TNFRSF19: variants seen among roughly 807,000 people sequenced by gnomAD.
The protein encoded by TNFRSF19 is TNF receptor superfamily member 19.
In TNFRSF19, 27 loss-of-function variants were observed where a neutral mutation model predicts 46.4. That is an observed-to-expected ratio of 0.58 (90% CI 0.43 to 0.80). TNFRSF19 has a LOEUF of 0.80. Ranked by LOEUF, TNFRSF19 falls within the 30% of genes least tolerant of loss-of-function variation. The pLI, the probability that TNFRSF19 is intolerant of heterozygous loss-of-function variation, is 0.00. For missense variants in TNFRSF19, 511 were observed against 530.8 expected (o/e 0.96, Z 0.37); for synonymous variants, 204 against 205.0 (o/e 1.00, Z 0.04).
At chr13:23,654,490 C>G (rs549826530) in intron 5 of TNFRSF19, among the ~76,000 whole-genome samples, 2 of 152,268 alleles carry the variant, frequency 1.3e-5, no homozygotes, top group African/African-American at 4.8e-5. Flanking sequence ...CCCCGAACAT[C>G]TCTGTGGGCA....
At chr13:23,644,989 C>T (rs1883250529) in intron 5 of TNFRSF19, among the ~76,000 whole-genome samples, 1 of 152,230 alleles carries the variant, frequency 6.6e-6, no homozygotes, top group African/African-American at 2.4e-5. Context: ...ATCACCAGTA[C>T]TCTTAACTCC....
intron 5 of TNFRSF19, among the ~76,000 whole-genome samples, chr13:23,638,162 C>T (rs965578058): frequency 4.6e-5 from 7 of 151,442 alleles, no homozygotes; most frequent in East Asian, 3.9e-4. Flanking sequence ...CACAGCAAGA[C>T]GTTATGGGTC....
chr13:23,579,911 C>T (rs1475019362), intron 1 of TNFRSF19, among the ~76,000 whole-genome samples: 4 of 152,014 alleles, frequency 2.6e-5, no homozygotes, highest in Non-Finnish European at 5.9e-5. Context: ...CCGCGTCCTG[C>T]GGAGGTCCCC....
chr13:23,668,796 T>G lies in TNFRSF19; in HGVS notation c.944T>G (p.Met315Arg), dbSNP rs1951699438. ...SDAWPLMQNPMGGDNISFCDS... is the reference protein window; with the variant it reads ...SDAWPLMQNPRGGDNISFCDS... ...GCCTGGCCTCTGATGCAGAATCCCA[T>G]GGGTGGTGACAACATCTCTTTTTGT... The change falls in exon 9 of 10, where the codon ATG becomes AGG. Residue 315 changes from methionine to arginine, a missense_variant. Met to Arg is a moderately conservative substitution (Grantham distance 91). This residue lies in a region of TNFRSF19 where 376 missense variants were observed against 372.7 expected (regional missense o/e 1.01). Transcript: ENST00000248484. 6.2e-7 allele frequency: 1 copy of G among 1,614,126 alleles called. No individual in the cohort carries two copies. The highest frequency in any genetic ancestry group is 8.5e-7 in the Non-Finnish European group (1 of 1,180,044).
intron 3 of TNFRSF19, among the ~76,000 whole-genome samples, chr13:23,599,463 T>G (rs1879972930): frequency 6.6e-6 from 1 of 152,118 alleles, no homozygotes; most frequent in South Asian, 2.1e-4. Context: ...TTATACAATT[T>G]AGGGAGACAT....
intron 5 of TNFRSF19, among the ~76,000 whole-genome samples, chr13:23,655,189 CT>C (rs1383662081): frequency 2.0e-5 from 3 of 152,244 alleles, no homozygotes; most frequent in Admixed American, 6.5e-5. Context: ...TTTCCTCAAA[CT>C]TTTTTAATGC....
chr13:23,651,083 G>C (rs942045503), intron 5 of TNFRSF19, among the ~76,000 whole-genome samples: 1 of 152,162 alleles, frequency 6.6e-6, no homozygotes, highest in Non-Finnish European at 1.5e-5. Context: ...CTGTATGCTT[G>C]TCTCAATTAA....
chr13:23,619,524 T>TACACTTTAAATGG (rs1312702355), intron 4 of TNFRSF19, among the ~76,000 whole-genome samples: 40 of 152,078 alleles, frequency 2.6e-4, no homozygotes, highest in Non-Finnish European at 4.9e-4. Flanking sequence ...GGGTGAATTG[T>TACACTTTAAATGG]GTGGTATATA....
chr13:23,637,681 A>G (rs1375397520), intron 5 of TNFRSF19, among the ~76,000 whole-genome samples: 1 of 152,230 alleles, frequency 6.6e-6, no homozygotes. Flanking sequence ...GTTGGAAGTT[A>G]ATGGGTGGAA....
intron 5 of TNFRSF19, among the ~76,000 whole-genome samples, chr13:23,630,091 C>T (rs1273427442): frequency 2.0e-5 from 3 of 151,882 alleles, no homozygotes; most frequent in Admixed American, 2.0e-4. Flanking sequence ...ATCACTTGAG[C>T]CCAGGAGTTC....
rs9550987 is a variant in TNFRSF19 at position 23,593,366 on chromosome 13, T to A, written c.91T>A (p.Ser31Thr). The A allele has an allele frequency of 0.23, 356,708 of 1,577,860 alleles. 42,168 individuals are homozygous for A. The highest frequency in any genetic ancestry group is 0.38 in the African/African-American group (27,380 of 72,502). The change falls in exon 3 of 10, where the codon TCA (serine) becomes ACA (threonine). Residue 31 changes from serine (S) to threonine (T), a missense_variant. Transcript: ENST00000248484. ...GYLSCKVTCE[S>T]GDCRQQEFRD... ...TCAGTCATGTAAAGTGACTTGTGAA[T>A]CAGGAGACTGTAGACAGCAAGAATT... is the stretch of plus-strand genomic sequence containing the variant.
chr13:23,668,201 C>A, intron 8 of TNFRSF19, 119 bp downstream of exon 8: 1 of 975,522 alleles, frequency 1.0e-6, no homozygotes, highest in Non-Finnish European at 1.5e-6. Flanking sequence ...TAATGACATT[C>A]TGGATATTGG....
intron 4 of TNFRSF19, among the ~76,000 whole-genome samples, chr13:23,623,121 C>T (rs1881780126): frequency 6.6e-6 from 1 of 152,174 alleles, no homozygotes; most frequent in Non-Finnish European, 1.5e-5. Flanking sequence ...TTTGCTTCTT[C>T]CCCCAGCCCG....
chr13:23,658,592 A>G (rs1884135323), intron 5 of TNFRSF19, among the ~76,000 whole-genome samples: 1 of 152,118 alleles, frequency 6.6e-6, no homozygotes, highest in South Asian at 2.1e-4. Flanking sequence ...GGATGATCCA[A>G]CTCCTTGTTT....
intron 9 of TNFRSF19, among the ~76,000 whole-genome samples, chr13:23,672,212 G>A (rs1230095405): frequency 6.6e-6 from 1 of 152,184 alleles, no homozygotes; most frequent in Non-Finnish European, 1.5e-5. Flanking sequence ...AGGTGTGAGA[G>A]CCTTCTTTAG....
At chr13:23,587,461 G>C (rs148739238) in intron 1 of TNFRSF19, among the ~76,000 whole-genome samples, 401 of 152,322 alleles carry the variant, frequency 2.6e-3, no homozygotes, top group Non-Finnish European at 4.4e-3. Flanking sequence ...GGAACAAGTT[G>C]TAGTGTCTTC....
chr13:23,661,383 T>C lies in TNFRSF19; in HGVS notation c.736+893T>C, dbSNP rs535696040. On this transcript the variant is annotated intron_variant, in intron 7 of 9. Coordinates refer to ENST00000248484, the MANE Select transcript of TNFRSF19 (RefSeq NM_148957.4). ...CAAAAGACACGATCTCATCCCTTTTTATGGCTGCATAGTATTCCATGGTGT... is the reference window on the plus strand; with the variant it reads ...CAAAAGACACGATCTCATCCCTTTTCATGGCTGCATAGTATTCCATGGTGT... 3.3e-5 allele frequency among the ~76,000 whole-genome samples: 5 copies of C among 152,378 alleles called. No homozygotes were observed. The East Asian group carries it at 9.6e-4, about 29-fold the overall frequency.
chr13:23,603,849 T>C (rs1175236066), intron 3 of TNFRSF19, among the ~76,000 whole-genome samples: 1 of 151,942 alleles, frequency 6.6e-6, no homozygotes, highest in Non-Finnish European at 1.5e-5. Flanking sequence ...GGTAAAGAAT[T>C]TCTACAACAA....
intron 5 of TNFRSF19, among the ~76,000 whole-genome samples, chr13:23,627,319 A>T (rs1882075896): frequency 6.6e-6 from 1 of 152,226 alleles, no homozygotes; most frequent in South Asian, 2.1e-4. Context: ...GAGAAAAGAG[A>T]ACTCCATTGC....
Sources: gnomAD v4.1 joint callset for allele counts (sites outside exome capture counted in the v4.1 genomes callset) on GRCh38, gnomAD v4.1.1 for gene constraint, gnomAD v4.1.1 regional missense constraint, MANE v1.5 for transcripts, NCBI Gene and HGNC (gene_info 2026-07-23, HGNC 2026-07-21) for gene names.